Variants in RGS6 observed in about 807,000 individuals in gnomAD.
RGS6 encodes the protein regulator of G-protein signaling 6.
In RGS6, 30 loss-of-function variants were observed where a neutral mutation model predicts 78.5. That is an observed-to-expected ratio of 0.38 (90% CI 0.29 to 0.52). The LOEUF (loss-of-function observed/expected upper bound fraction) is 0.52, where lower values mean the gene tolerates loss of function less well. Ranked by LOEUF, RGS6 falls within the 20% of genes least tolerant of loss-of-function variation. RGS6 has a pLI of 0.85. For missense variants in RGS6, 495 were observed against 609.7 expected, an observed-to-expected ratio of 0.81 and a Z score of 1.98; for synonymous variants, 206 against 206.0, an observed-to-expected ratio of 1.00 and a Z score of 0.00.
At position 72,555,785 on chromosome 14, in the gene RGS6, A is replaced by ACATG. The variant is rs1025487612; in HGVS notation, c.1423-6632_1423-6631insCATG. Reference sequence around the variant, plus strand: ...TAACTGGCAAGCATGTTGTGGACATAAGTAAGTGCGGGTGCTTGTAAAATG... The same window carrying ACATG: ...TAACTGGCAAGCATGTTGTGGACATACATGAGTAAGTGCGGGTGCTTGTAAAATG... On this transcript the variant is annotated intron_variant, in intron 17 of 17. Coordinates refer to ENST00000553525, the MANE Select transcript of RGS6 (RefSeq NM_001204424.2). Among the ~76,000 whole-genome samples, 49 of 152,194 alleles carry ACATG rather than the reference A, an allele frequency of 3.2e-4. 1 individual carries two copies. The highest frequency in any genetic ancestry group is 3.9e-4 in the Admixed American group (6 of 15,304).
chr14:72,072,509 G>A (rs955623822), intron 2 of RGS6, among the ~76,000 whole-genome samples: 29 of 152,074 alleles, frequency 1.9e-4, no homozygotes, highest in Admixed American at 1.6e-3. Context: ...GGGTATCACC[G>A]TGTTAGCCAG....
At chr14:72,465,894 A>AT (rs573220577) in intron 7 of RGS6, 72 bp downstream of exon 7, 14,113 of 1,160,316 alleles carry the variant, frequency 0.012, 1 homozygote, top group Non-Finnish European at 0.013. Flanking sequence ...GTCTAAGTTT[A>AT]TTTTTTTTTT....
intron 2 of RGS6, among the ~76,000 whole-genome samples, chr14:72,084,084 T>C (rs111401366): frequency 6.6e-6 from 1 of 152,184 alleles, no homozygotes; most frequent in Non-Finnish European, 1.5e-5. Flanking sequence ...GGTCCTCAGC[T>C]TTTTTTGGCA....
intron 2 of RGS6, among the ~76,000 whole-genome samples, chr14:72,232,859 G>T (rs974856108): frequency 6.6e-6 from 1 of 152,192 alleles, no homozygotes; most frequent in African/African-American, 2.4e-5. Flanking sequence ...CAGAACATGG[G>T]ATTGACTGCC....
chr14:72,402,082 C>T (rs34381140), intron 3 of RGS6, among the ~76,000 whole-genome samples: 4,058 of 152,264 alleles, frequency 0.027, 77 homozygotes, highest in Middle Eastern at 0.065. Context: ...TCCGTGGGAT[C>T]GGGCAGGAAG....
At chr14:71,929,464 C>G (rs1219727211), upstream of RGS6, among the ~76,000 whole-genome samples, 2 of 152,176 alleles carry the variant, frequency 1.3e-5, no homozygotes, top group African/African-American at 4.8e-5. Flanking sequence ...GGATGCTGCA[C>G]AAGGCTGATT....
At chr14:72,057,651 A>C (rs1391758838) in intron 2 of RGS6, among the ~76,000 whole-genome samples, 2 of 152,224 alleles carry the variant, frequency 1.3e-5, no homozygotes, top group Middle Eastern at 3.4e-3. Context: ...TTCTCATTTT[A>C]ACTCATTATT....
chr14:72,396,279 G>T (rs2091245482), intron 3 of RGS6, among the ~76,000 whole-genome samples: 2 of 152,178 alleles, frequency 1.3e-5, no homozygotes, highest in Non-Finnish European at 2.9e-5. Flanking sequence ...GCATTTCTCT[G>T]ATGGCCAGTG....
chr14:72,251,785 G>A (rs78473280), intron 2 of RGS6, among the ~76,000 whole-genome samples: 3,247 of 152,238 alleles, frequency 0.021, 61 homozygotes, highest in African/African-American at 0.045. Flanking sequence ...CAATAGGATT[G>A]TTCATTCCCC....
chr14:72,574,303 T>G, the RGS6 span, among the ~76,000 whole-genome samples: 1 of 152,160 alleles, frequency 6.6e-6, no homozygotes. Context: ...ACTCACACAG[T>G]GTTCTGTGAC....
intron 3 of RGS6, among the ~76,000 whole-genome samples, chr14:72,429,771 C>T (rs908346732): frequency 6.6e-6 from 1 of 152,096 alleles, no homozygotes; most frequent in Non-Finnish European, 1.5e-5. Context: ...GTGTCCCCAC[C>T]CAAATCTCAT....
At chr14:72,060,241 GCT>G in intron 2 of RGS6, among the ~76,000 whole-genome samples, 1 of 152,058 alleles carries the variant, frequency 6.6e-6, no homozygotes, top group Admixed American at 6.6e-5. Context: ...GAACATTAAA[GCT>G]CTGTAATAGT....
chr14:72,411,464 G>C (rs1052790946), intron 3 of RGS6, among the ~76,000 whole-genome samples: 25 of 152,160 alleles, frequency 1.6e-4, no homozygotes, highest in Admixed American at 6.5e-4. Context: ...AGGAGATTTG[G>C]AGCTGAGATG....
chr14:72,373,777 AAACCCCATGTGGCC>A (rs2084008557), intron 3 of RGS6, among the ~76,000 whole-genome samples: 1 of 152,194 alleles, frequency 6.6e-6, no homozygotes, highest in East Asian at 1.9e-4. Flanking sequence ...GTGTCTCACT[AAACCCCATGTGGCC>A]CAAAAATTCA....
At chr14:72,100,812 C>T (rs2095513302) in intron 2 of RGS6, among the ~76,000 whole-genome samples, 1 of 152,126 alleles carries the variant, frequency 6.6e-6, no homozygotes, top group Non-Finnish European at 1.5e-5. Context: ...ATTTCATCTC[C>T]AACCACTTAA....
chr14:72,206,278 A>G (rs945484235), intron 2 of RGS6, among the ~76,000 whole-genome samples: 3 of 152,196 alleles, frequency 2.0e-5, no homozygotes, highest in Admixed American at 1.3e-4. Flanking sequence ...CAGCCTGGTC[A>G]ACACAGTGAG....
intron 2 of RGS6, among the ~76,000 whole-genome samples, chr14:72,313,124 C>T (rs1358041454): frequency 6.6e-6 from 1 of 152,214 alleles, no homozygotes; most frequent in Admixed American, 6.5e-5. Flanking sequence ...TACCTTGTGT[C>T]TCAACATCTT....
chr14:72,176,293 G>A (rs1463495050), intron 2 of RGS6, among the ~76,000 whole-genome samples: 3 of 152,172 alleles, frequency 2.0e-5, no homozygotes, highest in Non-Finnish European at 4.4e-5. Flanking sequence ...ACCCCTCATT[G>A]GGGGAGATGA....
intron 2 of RGS6, among the ~76,000 whole-genome samples, chr14:72,306,533 C>G (rs1432539015): frequency 1.3e-5 from 2 of 152,152 alleles, no homozygotes; most frequent in Non-Finnish European, 2.9e-5. Context: ...CCATTAAGAA[C>G]AGTTTTGATT....
Sources: allele counts gnomAD v4.1 joint callset (sites outside exome capture counted in the v4.1 genomes callset), GRCh38; gene constraint gnomAD v4.1.1; transcripts MANE v1.5; gene names NCBI Gene and HGNC (gene_info 2026-07-23, HGNC 2026-07-21).